The following SULF2 variants were observed in gnomAD, a reference collection of about 807,000 sequenced individuals.
SULF2 encodes extracellular sulfatase Sulf-2.
SULF2 carries 52 observed loss-of-function variants against 107.7 expected under a neutral mutation model. The observed-to-expected ratio is 0.48, with a 90% confidence interval of 0.39 to 0.61. The LOEUF (loss-of-function observed/expected upper bound fraction) is 0.61. Ranked by LOEUF, SULF2 falls within the 20% of genes least tolerant of loss-of-function variation. The pLI, the probability that SULF2 is intolerant of heterozygous loss-of-function variation, is 0.00. For missense variants in SULF2, 993 were observed against 1,177.3 expected, an observed-to-expected ratio of 0.84 and a Z score of 2.29; for synonymous variants, 460 against 464.3, an observed-to-expected ratio of 0.99 and a Z score of 0.12.
At chr20:47,665,382 C>T in intron 13 of SULF2, 89 bp from the exon 14 acceptor site, 1 of 891,364 alleles carries the variant, frequency 1.1e-6, no homozygotes, top group South Asian at 1.3e-5. Flanking sequence ...GCTGCCGTGT[C>T]TGTGCTCAGC....
At chr20:47,665,556 C>T (rs1220590138) in intron 13 of SULF2, among the ~76,000 whole-genome samples, 1 of 152,222 alleles carries the variant, frequency 6.6e-6, no homozygotes, top group Non-Finnish European at 1.5e-5. Context: ...CCCGCTGAGC[C>T]CACTGAGGCC....
chr20:47,723,238 C>T (rs926063468), intron 3 of SULF2, among the ~76,000 whole-genome samples: 1 of 139,800 alleles, frequency 7.2e-6, no homozygotes, highest in Non-Finnish European at 1.5e-5. Context: ...AGTGACAGTC[C>T]ATCTCAAAAA....
chr20:47,711,046 C>A (rs542316353), intron 3 of SULF2, among the ~76,000 whole-genome samples: 1 of 152,316 alleles, frequency 6.6e-6, no homozygotes, highest in Non-Finnish European at 1.5e-5. Context: ...GGCACAGGGG[C>A]ACACACGGCA....
At chr20:47,681,061 CT>C (rs2146494651) in intron 7 of SULF2, among the ~76,000 whole-genome samples, 1 of 152,266 alleles carries the variant, frequency 6.6e-6, no homozygotes, top group African/African-American at 2.4e-5. Context: ...GTTTGGCTTC[CT>C]AAACAGGATG....
rs1022911361 is a variant in SULF2 at position 47,661,049 on chromosome 20, T to C, written c.2494+724A>G. 3.9e-5 allele frequency among the ~76,000 whole-genome samples: 6 copies of C among 152,170 alleles called. 1 individual carries two copies. The highest frequency in any genetic ancestry group is 8.8e-5 in the Non-Finnish European group (6 of 68,030). On this transcript the variant is annotated intron_variant, in intron 18 of 20. Coordinates refer to ENST00000688720, the MANE Select transcript of SULF2 (RefSeq NM_001387048.1). Reference sequence around the variant, plus strand: ...CCATTCTCCACCTAGCAAATGTCGGTGCCCAGGTTAAAACCCTCCATTGGC... The same window carrying C: ...CCATTCTCCACCTAGCAAATGTCGGCGCCCAGGTTAAAACCCTCCATTGGC...
At position 47,678,506 on chromosome 20, in the gene SULF2, A is replaced by AGGGGACCATGCTTCTCTCCCTC; in HGVS notation, c.1193+169_1193+170insGAGGGAGAGAAGCATGGTCCCC. 1.3e-6 allele frequency: 1 copy of AGGGGACCATGCTTCTCTCCCTC among 768,566 alleles called. No homozygotes were observed. Among genetic ancestry groups the AGGGGACCATGCTTCTCTCCCTC allele is most frequent in the Non-Finnish European group, 2.1e-6 (1 of 477,146 alleles). The allele number at this position is 768,566 out of a possible 1,614,324, so 47.6% of individuals were successfully genotyped here. On this transcript the variant is annotated intron_variant, in intron 8 of 20. Coordinates refer to ENST00000688720, the MANE Select transcript of SULF2 (RefSeq NM_001387048.1). The surrounding 1 kb of genome is among the most constrained non-coding windows in gnomAD (Gnocchi z 4.5). ...CAGATGGGAAGACAGAATCTCGGAG[A>AGGGGACCATGCTTCTCTCCCTC]GGGGACCATGCTTCTCTCCCACAGC... is the stretch of plus-strand genomic sequence containing the variant.
rs1229103248 is a variant in SULF2, at chr20:47,683,004, C to T, written c.1054G>A (p.Ala352Thr). Residue 352 changes from alanine to threonine, a missense_variant, in exon 7 of 21, where the codon GCC becomes ACC. Coordinates refer to ENST00000688720, the MANE Select transcript of SULF2 (RefSeq NM_001387048.1). ...GGATGACACACTTACAGACAGCCGG[C>T]TTCCACGTTGGGGCCCCTCACGTAG... ...PFYVRGPNVEAGCLNPHIVLN... is the reference protein window; with the variant it reads ...PFYVRGPNVETGCLNPHIVLN... 2 of 1,608,054 alleles carry T rather than the reference C, an allele frequency of 1.2e-6. No homozygotes were observed. Among genetic ancestry groups the T allele is most frequent in the Admixed American group, 1.7e-5 (1 of 59,708 alleles).
intron 4 of SULF2, among the ~76,000 whole-genome samples, chr20:47,690,734 G>T (rs2088169449): frequency 6.6e-6 from 1 of 152,062 alleles, no homozygotes; most frequent in South Asian, 2.1e-4. Flanking sequence ...GCCAGGCGTG[G>T]TGGTAAACAC....
At chr20:47,665,992 T>C in intron 12 of SULF2, 39 bp from the exon 13 acceptor site, 1 of 1,606,772 alleles carries the variant, frequency 6.2e-7, no homozygotes, top group Non-Finnish European at 8.5e-7. Context: ...TCGGAGGTGG[T>C]GGAGGGGGAG....
At chr20:47,683,353 G>A (rs900814923) in intron 6 of SULF2, among the ~76,000 whole-genome samples, 184 bp from the exon 7 acceptor site, 3 of 150,936 alleles carry the variant, frequency 2.0e-5, no homozygotes, top group Admixed American at 6.6e-5. Context: ...CCCCTGGCCC[G>A]CCCTCCCCTC....
intron 2 of SULF2, among the ~76,000 whole-genome samples, chr20:47,755,022 C>CGG (rs11086225): frequency 1.1e-4 from 16 of 151,798 alleles, no homozygotes; most frequent in African/African-American, 1.7e-4. Context: ...TTTGTTAAGA[C>CGG]GGGGGGGGTC....
chr20:47,686,709 C>T (rs550786736), intron 5 of SULF2, among the ~76,000 whole-genome samples: 221 of 152,306 alleles, frequency 1.5e-3, no homozygotes, highest in Non-Finnish European at 2.3e-3. Context: ...GAAATTGTGA[C>T]GCTGCCGCTG....
At chr20:47,725,140 C>T (rs1024585433) in intron 3 of SULF2, among the ~76,000 whole-genome samples, 8 of 152,092 alleles carry the variant, frequency 5.3e-5, no homozygotes, top group African/African-American at 1.7e-4. Context: ...GCTGGGTGGG[C>T]GGGCGACATT....
intron 3 of SULF2, among the ~76,000 whole-genome samples, chr20:47,727,723 C>T (rs530338776): frequency 6.6e-6 from 1 of 152,282 alleles, no homozygotes; most frequent in South Asian, 2.1e-4. Flanking sequence ...ATCACAGGCA[C>T]TGGGTGACTA....
chr20:47,744,973 A>G (rs2089973328), intron 2 of SULF2, among the ~76,000 whole-genome samples: 1 of 152,068 alleles, frequency 6.6e-6, no homozygotes, highest in South Asian at 2.1e-4. Context: ...AGATGCACAT[A>G]TACACTTCAG....
At chr20:47,707,391 T>A (rs1339463640) in intron 3 of SULF2, among the ~76,000 whole-genome samples, 1 of 152,124 alleles carries the variant, frequency 6.6e-6, no homozygotes, top group East Asian at 1.9e-4. Flanking sequence ...CACCAGACAC[T>A]CTCTTCAGGG....
Position 47,678,781 on chromosome 20 carries a change from A to C in SULF2, c.1088T>G (p.Ile363Ser). ...GCLNPHIVLN[I>S]DLAPTILDIA... ...GTCCAGGATGGTGGGGGCCAGGTCA[A>C]TGTTGAGGACGATGTGGGGATTCCT... Residue 363 changes from isoleucine (I) to serine (S), a missense_variant, in exon 8 of 21, where the codon ATT becomes AGT. Coordinates refer to ENST00000688720, the MANE Select transcript of SULF2 (RefSeq NM_001387048.1). The surrounding 1 kb of genome is among the most constrained non-coding windows in gnomAD (Gnocchi z 4.5). The C allele has an allele frequency of 6.2e-7, 1 of 1,613,500 alleles. No homozygotes were observed. The highest frequency in any genetic ancestry group is 8.5e-7 in the Non-Finnish European group (1 of 1,179,708).
chr20:47,773,425 G>T (rs894740856), intron 1 of SULF2, among the ~76,000 whole-genome samples: 7 of 152,240 alleles, frequency 4.6e-5, no homozygotes, highest in African/African-American at 1.4e-4. Flanking sequence ...TTCTATGAAC[G>T]GAGGAAGTAA....
intron 1 of SULF2, among the ~76,000 whole-genome samples, chr20:47,772,202 T>C (rs1030113522): frequency 1.3e-5 from 2 of 152,250 alleles, no homozygotes; most frequent in South Asian, 4.1e-4. Context: ...CCAGCACCCA[T>C]TGCCATAAAC....
Sources: allele counts gnomAD v4.1 joint callset (sites outside exome capture counted in the v4.1 genomes callset), GRCh38; gene constraint gnomAD v4.1.1; non-coding constraint Gnocchi (gnomAD v3.1); transcripts MANE v1.5; gene names NCBI Gene and HGNC (gene_info 2026-07-23, HGNC 2026-07-21).